RERG: variants seen among roughly 807,000 people sequenced by gnomAD.
The protein encoded by RERG is RAS like estrogen regulated growth inhibitor.
In RERG, 25 loss-of-function variants were observed where a neutral mutation model predicts 23.2. The ratio of observed to expected loss-of-function variants is 1.08; its 90% CI spans 0.79 to 1.50. The LOEUF (loss-of-function observed/expected upper bound fraction) is 1.50, where lower values mean the gene tolerates loss of function less well. Ranked by LOEUF, RERG falls within the 40% of genes most tolerant of loss-of-function variation. The pLI is 0.00. For missense variants in RERG, 253 were observed against 250.1 expected, an observed-to-expected ratio of 1.01 and a Z score of -0.08; for synonymous variants, 81 against 89.1, an observed-to-expected ratio of 0.91 and a Z score of 0.51.
intron 2 of RERG, among the ~76,000 whole-genome samples, chr12:15,153,183 A>G (rs780865439): frequency 5.3e-5 from 8 of 152,196 alleles, no homozygotes; most frequent in Non-Finnish European, 1.2e-4. Flanking sequence ...CAGCTTTTCC[A>G]TAGAGTCTTA....
In RERG at chr12:15,220,288, C is replaced by T. The variant is rs549852378; in HGVS notation, c.-115+907G>A. 1.2e-4 allele frequency among the ~76,000 whole-genome samples: 19 copies of T among 152,214 alleles called. No individual in the cohort carries two copies. The South Asian group carries it at 3.7e-3, about 30-fold the overall frequency. On this transcript the variant is annotated intron_variant, in intron 1 of 4. Transcript: ENST00000256953. ...ATGGTGCTTATTAGGACAAAAACAT[C>T]TCAGCTGCTATCACTCTAAAGGTAA...
chr12:15,207,333 T>C (rs1340093398), intron 2 of RERG, among the ~76,000 whole-genome samples: 1 of 151,994 alleles, frequency 6.6e-6, no homozygotes, highest in Non-Finnish European at 1.5e-5. Context: ...TCTAATAAAA[T>C]AATGCTTAAG....
intron 2 of RERG, among the ~76,000 whole-genome samples, chr12:15,151,417 T>C (rs751320847): frequency 2.0e-5 from 3 of 152,174 alleles, no homozygotes; most frequent in South Asian, 4.1e-4. Context: ...ATTGCACCCA[T>C]ATTAGCAATT....
At chr12:15,195,002 A>G (rs1325770110) in intron 2 of RERG, among the ~76,000 whole-genome samples, 3 of 152,074 alleles carry the variant, frequency 2.0e-5, no homozygotes, top group East Asian at 1.9e-4. Context: ...CTAAATGTCT[A>G]TATACATTAC....
intron 2 of RERG, among the ~76,000 whole-genome samples, chr12:15,159,697 G>A (rs1231785314): frequency 6.6e-6 from 1 of 152,140 alleles, no homozygotes; most frequent in Non-Finnish European, 1.5e-5. Flanking sequence ...GGTGGCGGGC[G>A]CCTGTAGTGC....
At chr12:15,125,699 C>T (rs1342015030) in intron 2 of RERG, among the ~76,000 whole-genome samples, 2 of 151,904 alleles carry the variant, frequency 1.3e-5, no homozygotes, top group African/African-American at 2.4e-5. Context: ...TTTAATACAA[C>T]ATGGGAACTG....
At chr12:15,162,996 A>G (rs1025726828) in intron 2 of RERG, among the ~76,000 whole-genome samples, 1 of 152,148 alleles carries the variant, frequency 6.6e-6, no homozygotes, top group African/African-American at 2.4e-5. Context: ...TTTTGCTAAG[A>G]ATTTTGATGA....
chr12:15,208,608 C>A (rs570157306), intron 2 of RERG, among the ~76,000 whole-genome samples: 1 of 151,960 alleles, frequency 6.6e-6, no homozygotes, highest in Non-Finnish European at 1.5e-5. Context: ...GGATCCTGTA[C>A]GATATGCAGG....
At chr12:15,123,385 T>C (rs901745356) in intron 2 of RERG, among the ~76,000 whole-genome samples, 2 of 151,420 alleles carry the variant, frequency 1.3e-5, no homozygotes, top group Non-Finnish European at 2.9e-5. Flanking sequence ...TCTGAAGCTG[T>C]AGAGTGGAAG....
chr12:15,138,158 G>A (rs73304802), intron 2 of RERG: 2,115 of 195,522 alleles, frequency 0.011, 55 homozygotes, highest in African/African-American at 0.047. Context: ...TCATTCTTTC[G>A]CATTTATCCT....
chr12:15,206,416 A>T (rs1279709092), intron 2 of RERG, among the ~76,000 whole-genome samples: 1 of 152,158 alleles, frequency 6.6e-6, no homozygotes, highest in Non-Finnish European at 1.5e-5. Flanking sequence ...CTGAATGTGC[A>T]GCTCACAAAA....
At chr12:15,116,900 G>A (rs1007032402) in intron 3 of RERG, among the ~76,000 whole-genome samples, 1 of 152,084 alleles carries the variant, frequency 6.6e-6, no homozygotes, top group East Asian at 1.9e-4. Flanking sequence ...GGTGAAGGGT[G>A]GGGGGATGAT....
At chr12:15,152,629 T>C (rs1864461330) in intron 2 of RERG, among the ~76,000 whole-genome samples, 1 of 152,162 alleles carries the variant, frequency 6.6e-6, no homozygotes, top group African/African-American at 2.4e-5. Flanking sequence ...CAAGGATAAC[T>C]TGAATTGAGG....
At chr12:15,180,575 T>A (rs1864910020) in intron 2 of RERG, among the ~76,000 whole-genome samples, 1 of 152,078 alleles carries the variant, frequency 6.6e-6, no homozygotes, top group African/African-American at 2.4e-5. Flanking sequence ...ATGAGACAAA[T>A]CTAATATATC....
chr12:15,172,312 GTATT>G (rs1219595291), intron 2 of RERG, among the ~76,000 whole-genome samples: 1 of 152,026 alleles, frequency 6.6e-6, no homozygotes, highest in Non-Finnish European at 1.5e-5. Flanking sequence ...GTTTGAGTAA[GTATT>G]TCTTTTTATA....
intron 2 of RERG, among the ~76,000 whole-genome samples, chr12:15,206,198 T>C (rs1175711701): frequency 2.6e-5 from 4 of 152,118 alleles, no homozygotes; most frequent in Non-Finnish European, 5.9e-5. Context: ...CATTTTATTT[T>C]TTAAACAAAA....
intron 3 of RERG, among the ~76,000 whole-genome samples, chr12:15,117,674 C>T (rs894068553): frequency 1.3e-3 from 137 of 105,404 alleles, no homozygotes; most frequent in African/African-American, 4.0e-3. Flanking sequence ...ATCACACACG[C>T]GCACACACAC....
At chr12:15,133,907 G>GA (rs1864098197) in intron 2 of RERG, among the ~76,000 whole-genome samples, 1 of 151,954 alleles carries the variant, frequency 6.6e-6, no homozygotes. Context: ...ATCTTTTATG[G>GA]TGAGGTGTCT....
At chr12:15,172,370 T>C (rs539065147) in intron 2 of RERG, among the ~76,000 whole-genome samples, 60 of 152,286 alleles carry the variant, frequency 3.9e-4, no homozygotes, top group African/African-American at 1.4e-3. Context: ...TTTTAATCCA[T>C]ACATTCATTT....
Sources: allele counts gnomAD v4.1 joint callset (sites outside exome capture counted in the v4.1 genomes callset), GRCh38; gene constraint gnomAD v4.1.1; transcripts MANE v1.5; gene names NCBI Gene and HGNC (gene_info 2026-07-23, HGNC 2026-07-21).